Variants in ESRRG observed in about 807,000 individuals in gnomAD.
The protein encoded by ESRRG is estrogen-related receptor gamma.
ESRRG carries 13 observed loss-of-function variants against 44.0 expected under a neutral mutation model. That is an observed-to-expected ratio of 0.30 (90% CI 0.19 to 0.47). The LOEUF (loss-of-function observed/expected upper bound fraction) is 0.47, where lower values mean the gene tolerates loss of function less well. ESRRG is among the 20% of genes least tolerant of loss of function. The probability of loss-of-function intolerance (pLI) is 1.00; values close to 1 mark genes in which losing one functional copy is unlikely to be tolerated. For missense variants in ESRRG, 395 were observed against 580.6 expected (o/e 0.68, Z 3.29); for synonymous variants, 215 against 214.6 (o/e 1.00, Z -0.02).
At chr1:216,990,934 C>A (rs1317510117) in intron 1 of ESRRG, among the ~76,000 whole-genome samples, 1 of 152,012 alleles carries the variant, frequency 6.6e-6, no homozygotes, top group African/African-American at 2.4e-5. Context: ...CAGGGGTCCC[C>A]AACTGCCCCC....
chr1:216,542,859 G>C (rs1377068995), intron 5 of ESRRG, among the ~76,000 whole-genome samples: 1 of 151,874 alleles, frequency 6.6e-6, no homozygotes, highest in Non-Finnish European at 1.5e-5. Context: ...CTGGGGACTG[G>C]TTTTAATTTA....
chr1:216,852,560 A>G (rs2095858187), intron 2 of ESRRG, among the ~76,000 whole-genome samples: 1 of 152,232 alleles, frequency 6.6e-6, no homozygotes, highest in South Asian at 2.1e-4. Context: ...GGCAAGAAAA[A>G]AAATGTGTTC....
rs58458686 is a variant in ESRRG, at chr1:216,589,903, C to CAAAAAAAAAA, written c.590-21815_590-21806dup. Reference sequence around the variant, plus strand: ...TGGGCAACAGGGTGAAACTCTGTCTCAAAAAAAAAAAAAAAAAAAAAAAGA... The same window carrying CAAAAAAAAAA: ...TGGGCAACAGGGTGAAACTCTGTCTCAAAAAAAAAAAAAAAAAAAAAAAAAAAAAAAAAGA... On this transcript the variant is annotated intron_variant, in intron 3 of 6. Coordinates refer to ENST00000408911, the MANE Select transcript of ESRRG (RefSeq NM_001438.4). 1.6e-3 allele frequency among the ~76,000 whole-genome samples: 53 copies of CAAAAAAAAAA among 32,224 alleles called. 6 individuals are homozygous for CAAAAAAAAAA. Among genetic ancestry groups the CAAAAAAAAAA allele is most frequent in the African/African-American group, 6.2e-3 (44 of 7,154 alleles). 21.1% of individuals were successfully genotyped at this position (32,224 alleles called of 152,430 possible).
At chr1:216,997,747 T>C (rs1028827649) in intron 1 of ESRRG, among the ~76,000 whole-genome samples, 6 of 152,190 alleles carry the variant, frequency 3.9e-5, no homozygotes, top group Non-Finnish European at 5.9e-5. Flanking sequence ...GGATTCCAAA[T>C]ACATTTTATA....
chr1:216,747,989 A>G (rs1339351), intron 2 of ESRRG, among the ~76,000 whole-genome samples: 148,678 of 152,244 alleles, frequency 0.98, 72,674 homozygotes, highest in Middle Eastern at 1. Context: ...CTATGATGTC[A>G]GTAACATGAA....
intron 2 of ESRRG, among the ~76,000 whole-genome samples, chr1:216,768,482 C>CTATCTATCTATCTGTT (rs1255030150): frequency 1.3e-5 from 2 of 151,604 alleles, no homozygotes; most frequent in Non-Finnish European, 1.5e-5. Flanking sequence ...ATCTATCTAT[C>CTATCTATCTATCTGTT]TATCTATCTA....
intron 1 of ESRRG, among the ~76,000 whole-genome samples, chr1:217,136,058 T>G (rs1023932176): frequency 6.6e-5 from 10 of 152,134 alleles, no homozygotes; most frequent in Admixed American, 5.9e-4. Context: ...GGGGTAAGAA[T>G]CTCGCCATTT....
intron 2 of ESRRG, among the ~76,000 whole-genome samples, chr1:216,788,497 G>A (rs1162618391): frequency 6.6e-6 from 1 of 152,070 alleles, no homozygotes; most frequent in African/African-American, 2.4e-5. Context: ...CTTAGAAAAA[G>A]CAGAAGCAAA....
At chr1:216,939,972 A>G (rs2149948099) in intron 1 of ESRRG, among the ~76,000 whole-genome samples, 1 of 152,282 alleles carries the variant, frequency 6.6e-6, no homozygotes, top group African/African-American at 2.4e-5. Flanking sequence ...TCTTATTTAT[A>G]GCAAATGCTC....
At chr1:216,860,493 T>C (rs2096032162) in intron 2 of ESRRG, among the ~76,000 whole-genome samples, 1 of 151,884 alleles carries the variant, frequency 6.6e-6, no homozygotes, top group South Asian at 2.1e-4. Flanking sequence ...GTATAAAATC[T>C]TAAAAGTAGC....
intron 1 of ESRRG, among the ~76,000 whole-genome samples, chr1:216,693,330 C>T (rs374092529): frequency 7.9e-5 from 12 of 152,202 alleles, no homozygotes; most frequent in East Asian, 3.9e-4. Flanking sequence ...TGGGGTCTTG[C>T]GATGTTGGCC....
intron 1 of ESRRG, 96 bp downstream of exon 1, chr1:216,723,148 G>A: frequency 9.7e-7 from 1 of 1,026,768 alleles, no homozygotes. Context: ...AAATACCCAG[G>A]GCATTACCTG....
rs185085092 is a variant in ESRRG, at chr1:216,542,459, T to G, written c.862+21760A>C. ...GCCACATCTCAGCAGCAGTGGATGATGCATCACACATATCCCTGGAATTTC... is the reference window on the plus strand; with the variant it reads ...GCCACATCTCAGCAGCAGTGGATGAGGCATCACACATATCCCTGGAATTTC... On this transcript the variant is annotated intron_variant, in intron 5 of 6. Transcript: ENST00000408911. Among the ~76,000 whole-genome samples the G allele has an allele frequency of 2.4e-3, 370 of 152,122 alleles. 2 individuals carry two copies. Among genetic ancestry groups the G allele is most frequent in the African/African-American group, 8.5e-3 (355 of 41,538 alleles).
intron 1 of ESRRG, among the ~76,000 whole-genome samples, chr1:216,948,576 G>A (rs960815275): frequency 2.6e-5 from 4 of 151,132 alleles, no homozygotes; most frequent in Admixed American, 2.0e-4. Flanking sequence ...AATATTTCCA[G>A]ATTATCTACT....
chr1:217,021,651 A>G (rs1196007185), intron 1 of ESRRG, among the ~76,000 whole-genome samples: 3 of 152,250 alleles, frequency 2.0e-5, no homozygotes, highest in African/African-American at 7.2e-5. Flanking sequence ...AAACAGGGAC[A>G]GAGAGTTACA....
At position 216,790,134 on chromosome 1, in the gene ESRRG, C is replaced by G. The variant is rs117891213; in HGVS notation, c.-13-112643G>C. On this transcript the variant is annotated intron_variant, in intron 2 of 7. Coordinates refer to the ESRRG transcript ENST00000359162. Reference sequence around the variant, plus strand: ...CAAAACTACCATCAGGCTGGATCTCCTAAATAACTGTGAGGAACAGAGCTG... The same window carrying G: ...CAAAACTACCATCAGGCTGGATCTCGTAAATAACTGTGAGGAACAGAGCTG... 3.4e-3 allele frequency among the ~76,000 whole-genome samples: 517 copies of G among 152,270 alleles called. 8 individuals carry two copies. The East Asian group carries it at 0.047, about 14-fold the overall frequency.
At chr1:216,879,457 T>G (rs1266634452) in intron 2 of ESRRG, among the ~76,000 whole-genome samples, 1 of 139,334 alleles carries the variant, frequency 7.2e-6, no homozygotes, top group Non-Finnish European at 1.5e-5. Flanking sequence ...TCTGGTCGGC[T>G]TACTCTTGAG....
intron 3 of ESRRG, among the ~76,000 whole-genome samples, chr1:216,594,478 G>A (rs889349158): frequency 6.6e-6 from 1 of 152,104 alleles, no homozygotes; most frequent in African/African-American, 2.4e-5. Context: ...CTACTCTAGA[G>A]GGAAGACTTT....
At chr1:216,758,422 T>C (rs1482104469) in intron 2 of ESRRG, among the ~76,000 whole-genome samples, 1 of 152,122 alleles carries the variant, frequency 6.6e-6, no homozygotes, top group African/African-American at 2.4e-5. Context: ...TTCTCACCAA[T>C]GCAAGTCTCT....
Sources: allele counts gnomAD v4.1 joint callset (sites outside exome capture counted in the v4.1 genomes callset), GRCh38; gene constraint gnomAD v4.1.1; transcripts MANE v1.5; gene names NCBI Gene and HGNC (gene_info 2026-07-23, HGNC 2026-07-21).